The following FAM135A variants were observed in gnomAD, a reference collection of about 807,000 sequenced individuals.
FAM135A encodes the protein family with sequence similarity 135 member A, also known as protein FAM135A.
Under a neutral mutation model 146.8 loss-of-function variants are expected in FAM135A, and 79 were observed. That is an observed-to-expected ratio of 0.54 (90% CI 0.45 to 0.65). FAM135A has a LOEUF of 0.65. Ranked by LOEUF, FAM135A falls within the 30% of genes least tolerant of loss-of-function variation. The pLI, the probability that FAM135A is intolerant of heterozygous loss-of-function variation, is 0.00. For missense variants in FAM135A, 1,623 were observed against 1,758.2 expected, an observed-to-expected ratio of 0.92 and a Z score of 1.38; for synonymous variants, 562 against 603.6, an observed-to-expected ratio of 0.93 and a Z score of 1.01.
chr6:70,449,168 A>G (rs1371983884), intron 4 of FAM135A, among the ~76,000 whole-genome samples: 1 of 152,204 alleles, frequency 6.6e-6, no homozygotes, highest in Non-Finnish European at 1.5e-5. Context: ...AGTTGTATAT[A>G]TGGAGTACAA....
At chr6:70,454,456 G>A (rs571405928) in intron 5 of FAM135A, among the ~76,000 whole-genome samples, 1 of 152,236 alleles carries the variant, frequency 6.6e-6, no homozygotes, top group East Asian at 1.9e-4. Context: ...CATTGCTTTT[G>A]GTGTTTTAGT....
chr6:70,435,588 C>G (rs898148495), intron 4 of FAM135A, among the ~76,000 whole-genome samples: 4 of 151,704 alleles, frequency 2.6e-5, no homozygotes, highest in African/African-American at 9.7e-5. Context: ...GATGCAATGT[C>G]GGCTCATCGC....
intron 11 of FAM135A, among the ~76,000 whole-genome samples, chr6:70,497,712 G>A (rs1461954258): frequency 6.6e-6 from 1 of 152,172 alleles, no homozygotes; most frequent in East Asian, 1.9e-4. Context: ...ATGAAGGGAT[G>A]TTAAATTTTG....
At chr6:70,480,176 A>G (rs1407101694) in intron 8 of FAM135A, among the ~76,000 whole-genome samples, 1 of 152,168 alleles carries the variant, frequency 6.6e-6, no homozygotes, top group Non-Finnish European at 1.5e-5. Flanking sequence ...TCTATGGAAT[A>G]TAAATGTTAA....
At chr6:70,455,103 G>C (rs989083052) in intron 5 of FAM135A, among the ~76,000 whole-genome samples, 2 of 151,958 alleles carry the variant, frequency 1.3e-5, no homozygotes, top group Non-Finnish European at 2.9e-5. Flanking sequence ...CTTTTATTTA[G>C]TTGAGCAGTG....
intron 20 of FAM135A, among the ~76,000 whole-genome samples, chr6:70,540,444 C>T (rs1797702709): frequency 6.6e-6 from 1 of 151,566 alleles, no homozygotes. Flanking sequence ...CCTGCCTCAG[C>T]CTCCTGAGTA....
chr6:70,431,001 T>A (rs1771461108), intron 4 of FAM135A, among the ~76,000 whole-genome samples: 1 of 152,160 alleles, frequency 6.6e-6, no homozygotes, highest in Non-Finnish European at 1.5e-5. Flanking sequence ...TTATTCCAGG[T>A]TAGTGTAAGA....
chr6:70,557,065 T>C, intron 21 of FAM135A: 1 of 573,672 alleles, frequency 1.7e-6, no homozygotes, highest in Non-Finnish European at 3.1e-6. Flanking sequence ...AATACTTTCA[T>C]CTAATTACAA....
chr6:70,476,871 G>A (rs572219310), intron 7 of FAM135A, among the ~76,000 whole-genome samples: 1 of 152,082 alleles, frequency 6.6e-6, no homozygotes, highest in African/African-American at 2.4e-5. Context: ...ATTTTAAGAT[G>A]AGATTAATTC....
At position 70,560,920 on chromosome 6, in the gene FAM135A, T is replaced by C. The variant is rs1163061217; in HGVS notation, c.*999T>C. 2 of 152,590 alleles carry C rather than the reference T, an allele frequency of 1.3e-5. No individual in the cohort carries two copies. The highest frequency in any genetic ancestry group is 2.9e-5 in the Non-Finnish European group (2 of 67,986). 9.5% of individuals were successfully genotyped at this position (152,590 alleles called of 1,614,324 possible). Reference sequence around the variant, plus strand: ...GATACAGATGCAAATGTTTTTGATATATGGAGATGTTGAGTCTTTTGACTT... The same window carrying C: ...GATACAGATGCAAATGTTTTTGATACATGGAGATGTTGAGTCTTTTGACTT... On this transcript the variant is annotated 3_prime_UTR_variant, in exon 22 of 22. Transcript: ENST00000418814.
chr6:70,440,753 T>G (rs1208318484), intron 4 of FAM135A, among the ~76,000 whole-genome samples: 1 of 152,000 alleles, frequency 6.6e-6, no homozygotes, highest in Non-Finnish European at 1.5e-5. Flanking sequence ...GAAATGAGAG[T>G]CTGGTCTCAA....
At chr6:70,444,129 G>A (rs192141240) in intron 4 of FAM135A, among the ~76,000 whole-genome samples, 1 of 152,126 alleles carries the variant, frequency 6.6e-6, no homozygotes, top group Admixed American at 6.6e-5. Flanking sequence ...TTTGGGCTGG[G>A]TGCGGTGGCT....
chr6:70,554,550 A>C (rs1340738091), intron 20 of FAM135A, among the ~76,000 whole-genome samples: 2 of 152,234 alleles, frequency 1.3e-5, no homozygotes, highest in African/African-American at 4.8e-5. Flanking sequence ...TTTTGCTACA[A>C]CACTGTGCCA....
rs201988823 is a variant in FAM135A at position 70,525,305 on chromosome 6, A to G, written c.2221A>G (p.Thr741Ala). The G allele has an allele frequency of 3.2e-5, 51 of 1,609,360 alleles. No homozygotes were observed. In the African/African-American group the frequency reaches 5.2e-4, roughly 16 times the overall value. ...KLRSNLPAPS[T>A]KEYHVVVSGD... ...ACGAAGTAATCTACCTGCCCCTTCTACAAAAGAATATCATGTTGTAGTAAG... is the reference window on the plus strand; with the variant it reads ...ACGAAGTAATCTACCTGCCCCTTCTGCAAAAGAATATCATGTTGTAGTAAG... Residue 741 changes from threonine (T) to alanine (A), a missense_variant, in exon 15 of 22, where the codon ACA becomes GCA. This residue lies in a region of FAM135A where 1,061 missense variants were observed against 1,113.8 expected (regional missense o/e 0.95). Coordinates refer to ENST00000418814, the MANE Select transcript of FAM135A (RefSeq NM_001162529.3).
intron 20 of FAM135A, among the ~76,000 whole-genome samples, chr6:70,542,794 C>T (rs1001195935): frequency 5.3e-5 from 8 of 151,892 alleles, no homozygotes; most frequent in Non-Finnish European, 8.8e-5. Flanking sequence ...CTTCTTTGGC[C>T]GCCTCTCCTG....
At chr6:70,469,194 G>A (rs1414436808) in intron 5 of FAM135A, among the ~76,000 whole-genome samples, 12 of 150,382 alleles carry the variant, frequency 8.0e-5, no homozygotes, top group Admixed American at 8.0e-4. Flanking sequence ...TCATTTAACT[G>A]TGTATCCCAA....
intron 4 of FAM135A, among the ~76,000 whole-genome samples, chr6:70,450,713 G>GTTTTTTTTT (rs1192559967): frequency 2.0e-4 from 6 of 29,778 alleles, no homozygotes; most frequent in Non-Finnish European, 4.9e-4. Context: ...GACCCTTTTA[G>GTTTTTTTTT]TTGTTTTTTT....
rs143270006 is a variant in FAM135A, at chr6:70,445,060, T to G, written c.78-7432T>G. 8.2e-3 allele frequency among the ~76,000 whole-genome samples: 1,249 copies of G among 152,344 alleles called. 20 individuals carry two copies. Among genetic ancestry groups the G allele is most frequent in the Middle Eastern group, 0.037 (11 of 294 alleles). On this transcript the variant is annotated intron_variant, in intron 4 of 21. Coordinates refer to ENST00000418814, the MANE Select transcript of FAM135A (RefSeq NM_001162529.3). ...GCATATTCTTTAACTAAAGACATAT[T>G]GTTTCATCTAATGTTAGGTGAGATA...
At chr6:70,468,804 A>G (rs1780997544) in intron 5 of FAM135A, among the ~76,000 whole-genome samples, 1 of 152,190 alleles carries the variant, frequency 6.6e-6, no homozygotes, top group South Asian at 2.1e-4. Flanking sequence ...CAATATGCCT[A>G]TGCTCGTATA....
Sources: allele counts gnomAD v4.1 joint callset (sites outside exome capture counted in the v4.1 genomes callset), GRCh38; gene constraint gnomAD v4.1.1; regional missense constraint gnomAD v4.1.1; transcripts MANE v1.5; gene names NCBI Gene and HGNC (gene_info 2026-07-23, HGNC 2026-07-21).